The following SYT17 variants were observed in gnomAD, a reference collection of about 807,000 sequenced individuals.
SYT17 encodes synaptotagmin 17, also known as synaptotagmin-17.
Under a neutral mutation model 46.7 loss-of-function variants are expected in SYT17, and 22 were observed. The observed-to-expected ratio is 0.47, with a 90% CI of 0.34 to 0.67. The LOEUF (loss-of-function observed/expected upper bound fraction) is 0.67, where lower values mean the gene tolerates loss of function less well. SYT17 is among the 30% of genes least tolerant of loss of function. The pLI, the probability that SYT17 is intolerant of heterozygous loss-of-function variation, is 0.01. For synonymous variants in SYT17, 251 were observed against 248.4 expected, an observed-to-expected ratio of 1.01 and a Z score of -0.10; for missense variants, 519 against 612.8, an observed-to-expected ratio of 0.85 and a Z score of 1.62.
In SYT17 at chr16:19,252,470, CAT is replaced by C. The variant is rs1225454065; in HGVS notation, c.1229-14400_1229-14399del. On this transcript the variant is annotated intron_variant, in intron 7 of 7. Coordinates refer to ENST00000355377, the MANE Select transcript of SYT17 (RefSeq NM_016524.4). ...ATACACATATATACATATATATATA[CAT>C]ATATATATACATATATATATACATA... 7.2e-3 allele frequency among the ~76,000 whole-genome samples: 27 copies of C among 3,746 alleles called. 10 individuals carry two copies. Among genetic ancestry groups the C allele is most frequent in the Non-Finnish European group, 9.9e-3 (25 of 2,528 alleles). 2.5% of individuals were successfully genotyped at this position (3,746 alleles called of 152,430 possible). A position where few individuals can be genotyped will look rare whatever the true frequency, so the allele number is the denominator to read the frequency against.
intron 5 of SYT17, among the ~76,000 whole-genome samples, chr16:19,219,444 A>AAT (rs1966221905): frequency 8.2e-6 from 1 of 121,950 alleles, no homozygotes; most frequent in African/African-American, 2.7e-5. Context: ...AAAAAAAAAA[A>AAT]AATAATAATA....
rs943352784 is a variant in SYT17, at chr16:19,205,327, C to T, written c.952-17718C>T. ...TCAGGCACACCTGGAGTGGCCCTAC[C>T]TCAGGGCCTTTGCACTACCATGTCT... is the stretch of plus-strand genomic sequence containing the variant. On this transcript the variant is annotated intron_variant, in intron 5 of 7. Transcript: ENST00000355377. 7.9e-5 allele frequency among the ~76,000 whole-genome samples: 12 copies of T among 152,314 alleles called. No individual in the cohort carries two copies. The Middle Eastern group carries it at 0.01, about 130-fold the overall frequency.
intron 7 of SYT17, among the ~76,000 whole-genome samples, chr16:19,232,251 G>C (rs563097079): frequency 7.7e-6 from 1 of 129,648 alleles, no homozygotes. Context: ...AAAGAAACAA[G>C]GCAATGACAG....
chr16:19,170,916 A>T (rs570459190), intron 1 of SYT17: 51 of 152,266 alleles, frequency 3.3e-4, no homozygotes, highest in African/African-American at 1.1e-3. Flanking sequence ...TTCTCATCAC[A>T]GAAAGGGTGC....
chr16:19,194,085 A>G (rs1445585085), intron 5 of SYT17, among the ~76,000 whole-genome samples: 1 of 152,028 alleles, frequency 6.6e-6, no homozygotes, highest in Non-Finnish European at 1.5e-5. Context: ...ATCTCTCTTC[A>G]TTTCCCCTTT....
At chr16:19,186,595 C>A (rs565929928) in intron 5 of SYT17, among the ~76,000 whole-genome samples, 14 of 152,258 alleles carry the variant, frequency 9.2e-5, no homozygotes, top group Admixed American at 5.2e-4. Context: ...GGGCTTCCAG[C>A]CTTGCTGGTG....
intron 5 of SYT17, among the ~76,000 whole-genome samples, chr16:19,186,426 G>A (rs1356030104): frequency 1.3e-5 from 2 of 152,186 alleles, no homozygotes; most frequent in African/African-American, 4.8e-5. Context: ...TGAGGCTGCA[G>A]TGAGCTATGA....
At chr16:19,193,339 G>C (rs1422510508) in intron 5 of SYT17, among the ~76,000 whole-genome samples, 1 of 152,192 alleles carries the variant, frequency 6.6e-6, no homozygotes, top group Non-Finnish European at 1.5e-5. Context: ...AAGCCAGATT[G>C]CCCACTGAAG....
intron 5 of SYT17, among the ~76,000 whole-genome samples, chr16:19,196,549 A>AT (rs5816034): frequency 4.0e-5 from 6 of 150,686 alleles, no homozygotes; most frequent in East Asian, 2.0e-4. Flanking sequence ...CAGCTGAAGA[A>AT]TTTTTTTTTT....
At chr16:19,174,403 A>G (rs943719879) in intron 3 of SYT17, among the ~76,000 whole-genome samples, 3 of 152,124 alleles carry the variant, frequency 2.0e-5, no homozygotes, top group South Asian at 2.1e-4. Flanking sequence ...TCGGAGGGGC[A>G]GGCCCAGAGA....
At chr16:19,178,700 T>C (rs557358857) in intron 3 of SYT17, among the ~76,000 whole-genome samples, 2 of 152,276 alleles carry the variant, frequency 1.3e-5, no homozygotes, top group South Asian at 2.1e-4. Context: ...AGTTTTCCCA[T>C]AGGCTTTAAT....
chr16:19,248,683 A>G (rs1003457162), intron 7 of SYT17, among the ~76,000 whole-genome samples: 10 of 152,070 alleles, frequency 6.6e-5, no homozygotes, highest in African/African-American at 1.9e-4. Context: ...TTAGCTGGGC[A>G]TGGTGGTGGG....
At chr16:19,248,547 G>A (rs1236101815) in intron 7 of SYT17, among the ~76,000 whole-genome samples, 3 of 152,196 alleles carry the variant, frequency 2.0e-5, no homozygotes, top group African/African-American at 7.2e-5. Flanking sequence ...TGGGCCGGGC[G>A]TGGTGGCTCA....
chr16:19,223,508 G>A (rs146892536), intron 6 of SYT17, among the ~76,000 whole-genome samples: 3 of 152,188 alleles, frequency 2.0e-5, no homozygotes, highest in Admixed American at 6.5e-5. Flanking sequence ...TTTTTCGCCA[G>A]CTCATTTCAT....
chr16:19,226,059 C>T (rs1239719137), intron 7 of SYT17, among the ~76,000 whole-genome samples: 2 of 152,156 alleles, frequency 1.3e-5, no homozygotes, highest in Non-Finnish European at 2.9e-5. Flanking sequence ...TTCTTGTGTT[C>T]TAATTACAGT....
intron 7 of SYT17, among the ~76,000 whole-genome samples, chr16:19,232,344 G>A (rs752149099): frequency 1.1e-4 from 16 of 152,078 alleles, no homozygotes; most frequent in South Asian, 2.1e-4. Flanking sequence ...CATCTGCGTC[G>A]CCCAGGGATT....
chr16:19,217,791 A>G (rs1207617418), intron 5 of SYT17, among the ~76,000 whole-genome samples: 1 of 152,238 alleles, frequency 6.6e-6, no homozygotes, highest in Non-Finnish European at 1.5e-5. Flanking sequence ...AGCAGTATAC[A>G]GCGTTCTTGT....
In SYT17 at chr16:19,194,573, G is replaced by T. The variant is rs114123453; in HGVS notation, c.951+10426G>T. Reference sequence around the variant, plus strand: ...AAATACCCCATAGACATCAGCATTTGTTGTTATTTCGTGTTGGTATCTTTA... The same window carrying T: ...AAATACCCCATAGACATCAGCATTTTTTGTTATTTCGTGTTGGTATCTTTA... On this transcript the variant is annotated intron_variant, in intron 5 of 7. Coordinates refer to ENST00000355377, the MANE Select transcript of SYT17 (RefSeq NM_016524.4). Among the ~76,000 whole-genome samples, 625 of 152,266 alleles carry T rather than the reference G, an allele frequency of 4.1e-3. 3 individuals are homozygous for T. Among genetic ancestry groups the T allele is most frequent in the African/African-American group, 0.014 (592 of 41,560 alleles).
At chr16:19,223,683 C>T (rs1270953185) in intron 6 of SYT17, among the ~76,000 whole-genome samples, 3 of 152,174 alleles carry the variant, frequency 2.0e-5, no homozygotes, top group Non-Finnish European at 2.9e-5. Flanking sequence ...ACTGTGAAAG[C>T]AGCTGTAGTC....
Sources: allele counts gnomAD v4.1 joint callset (sites outside exome capture counted in the v4.1 genomes callset), GRCh38; gene constraint gnomAD v4.1.1; transcripts MANE v1.5; gene names NCBI Gene and HGNC (gene_info 2026-07-23, HGNC 2026-07-21).